The following CNTN4 variants were observed in gnomAD, a reference collection of about 807,000 sequenced individuals.
The protein encoded by CNTN4 is contactin-4.
In CNTN4, 77 loss-of-function variants were observed where a neutral mutation model predicts 122.5. The observed-to-expected ratio is 0.63, with a 90% confidence interval of 0.52 to 0.76. CNTN4 has a LOEUF of 0.76. Ranked by LOEUF, CNTN4 falls within the 30% of genes least tolerant of loss-of-function variation. CNTN4 has a pLI of 0.00. For missense variants in CNTN4, 1,256 were observed against 1,259.1 expected (o/e 1.00, Z 0.04); for synonymous variants, 512 against 447.0 (o/e 1.15, Z -1.83).
At chr3:2,411,302 A>G (rs2047218577) in intron 3 of CNTN4, among the ~76,000 whole-genome samples, 1 of 152,192 alleles carries the variant, frequency 6.6e-6, no homozygotes, top group Non-Finnish European at 1.5e-5. Context: ...AAACCTGCAC[A>G]CCCTGCACAT....
intron 6 of CNTN4, among the ~76,000 whole-genome samples, chr3:2,781,713 TA>T (rs1438409418): frequency 5.2e-5 from 7 of 133,884 alleles, no homozygotes; most frequent in Non-Finnish European, 7.7e-5. Flanking sequence ...AGGCTTTGGG[TA>T]AATTTTTTTT....
intron 7 of CNTN4, among the ~76,000 whole-genome samples, chr3:2,834,898 C>CTTTTTTTTTTTTTCTTT (rs2093184708): frequency 1.7e-5 from 1 of 60,460 alleles, no homozygotes; most frequent in African/African-American, 7.5e-5. Flanking sequence ...TAAAGGCAAC[C>CTTTTTTTTTTTTTCTTT]TTTTTTTTTT....
chr3:2,494,027 G>T (rs951755883), intron 3 of CNTN4, among the ~76,000 whole-genome samples: 1 of 151,172 alleles, frequency 6.6e-6, no homozygotes, highest in African/African-American at 2.5e-5. Context: ...TGTTTATTAG[G>T]ATTTTTTTTT....
intron 2 of CNTN4, among the ~76,000 whole-genome samples, chr3:2,129,296 G>A (rs1574897385): frequency 6.9e-6 from 1 of 145,202 alleles, no homozygotes; most frequent in South Asian, 2.2e-4. Flanking sequence ...CGCACATCAT[G>A]TGCAGAGACT....
At chr3:2,295,334 C>T (rs1430680125) in intron 2 of CNTN4, among the ~76,000 whole-genome samples, 2 of 137,180 alleles carry the variant, frequency 1.5e-5, no homozygotes, top group Non-Finnish European at 3.1e-5. Flanking sequence ...TCCTCTCCAG[C>T]ACCTGTTGTT....
chr3:2,213,693 G>C (rs948061159), intron 2 of CNTN4, among the ~76,000 whole-genome samples: 7 of 152,272 alleles, frequency 4.6e-5, no homozygotes, highest in African/African-American at 1.2e-4. Context: ...CCAAAAGTCA[G>C]CTTTCCCCCT....
intron 14 of CNTN4, among the ~76,000 whole-genome samples, chr3:3,014,645 G>A (rs1463305473): frequency 2.0e-5 from 3 of 151,440 alleles, no homozygotes; most frequent in Non-Finnish European, 2.9e-5. Flanking sequence ...CTCTCTGCTT[G>A]TCTGTCTTGC....
At chr3:2,282,288 T>A (rs17011751) in intron 2 of CNTN4, among the ~76,000 whole-genome samples, 1 of 152,148 alleles carries the variant, frequency 6.6e-6, no homozygotes, top group African/African-American at 2.4e-5. Context: ...TTGGTTTATT[T>A]TGATTGGTCG....
At chr3:2,249,069 T>C (rs1468892574) in intron 2 of CNTN4, among the ~76,000 whole-genome samples, 1 of 151,988 alleles carries the variant, frequency 6.6e-6, no homozygotes. Flanking sequence ...CTCATTACTA[T>C]ACATTACATA....
chr3:2,421,353 G>T (rs1481681717), intron 3 of CNTN4, among the ~76,000 whole-genome samples: 11 of 150,732 alleles, frequency 7.3e-5, no homozygotes, highest in African/African-American at 2.7e-4. Flanking sequence ...ACGGGTTCAA[G>T]CAATTTTCCT....
chr3:2,601,468 C>G (rs2081043926), intron 4 of CNTN4, among the ~76,000 whole-genome samples: 1 of 152,152 alleles, frequency 6.6e-6, no homozygotes, highest in East Asian at 1.9e-4. Context: ...ATCCTTTCCT[C>G]ATTCCTTGTT....
chr3:2,424,213 C>A (rs898321210), intron 3 of CNTN4, among the ~76,000 whole-genome samples: 1 of 106,630 alleles, frequency 9.4e-6, no homozygotes, highest in Non-Finnish European at 1.9e-5. Flanking sequence ...TATCCCTCCC[C>A]CCTCCCTCCA....
At chr3:2,865,372 G>A (rs1246073879) in intron 7 of CNTN4, among the ~76,000 whole-genome samples, 1 of 152,152 alleles carries the variant, frequency 6.6e-6, no homozygotes, top group East Asian at 1.9e-4. Context: ...GGGACACATT[G>A]AAGGATTACA....
At chr3:2,748,821 C>G (rs1371872548) in intron 6 of CNTN4, among the ~76,000 whole-genome samples, 1 of 152,194 alleles carries the variant, frequency 6.6e-6, no homozygotes, top group Non-Finnish European at 1.5e-5. Flanking sequence ...TAAATTAGAT[C>G]ATTCCGCTTC....
intron 9 of CNTN4, among the ~76,000 whole-genome samples, chr3:2,884,067 G>A (rs1181545520): frequency 2.0e-5 from 3 of 151,682 alleles, no homozygotes; most frequent in African/African-American, 2.4e-5. Flanking sequence ...TTTTTCCTGC[G>A]CCCAAATGTT....
At chr3:2,400,638 C>T (rs2046824094) in intron 3 of CNTN4, among the ~76,000 whole-genome samples, 1 of 150,050 alleles carries the variant, frequency 6.7e-6, no homozygotes, top group African/African-American at 2.4e-5. Flanking sequence ...GGTTTAGTAA[C>T]AAGTTAATGT....
At chr3:2,184,752 C>G (rs1292259176) in intron 2 of CNTN4, among the ~76,000 whole-genome samples, 1 of 152,142 alleles carries the variant, frequency 6.6e-6, no homozygotes, top group Non-Finnish European at 1.5e-5. Flanking sequence ...ATCTTGGACA[C>G]AGAGAGCTGC....
intron 4 of CNTN4, among the ~76,000 whole-genome samples, chr3:2,592,903 AC>A (rs2080568543): frequency 6.6e-6 from 1 of 152,224 alleles, no homozygotes; most frequent in Non-Finnish European, 1.5e-5. Context: ...ACAAAACAGA[AC>A]CTTTGTGCAC....
chr3:2,558,836 C>G (rs1464793667), intron 3 of CNTN4, among the ~76,000 whole-genome samples: 1 of 152,188 alleles, frequency 6.6e-6, no homozygotes, highest in Non-Finnish European at 1.5e-5. Context: ...TTGGATAAAA[C>G]TCACTGTATA....
Sources: gnomAD v4.1 joint callset for allele counts (sites outside exome capture counted in the v4.1 genomes callset) on GRCh38, gnomAD v4.1.1 for gene constraint, MANE v1.5 for transcripts, NCBI Gene and HGNC (gene_info 2026-07-23, HGNC 2026-07-21) for gene names.